The following GABBR2 variants were observed in gnomAD, a reference collection of about 807,000 sequenced individuals.
GABBR2 encodes the protein gamma-aminobutyric acid type B receptor subunit 2, also known as G-protein coupled receptor 51.
GABBR2 carries 23 observed loss-of-function variants against 105.6 expected under a neutral mutation model. That is an observed-to-expected ratio of 0.22 (90% CI 0.16 to 0.31). GABBR2 has a LOEUF of 0.31. Among genes scored for constraint, GABBR2 ranks in the 10% least tolerant of loss-of-function variants. The pLI, the probability that GABBR2 is intolerant of heterozygous loss-of-function variation, is 1.00. For synonymous variants in GABBR2, 478 were observed against 499.7 expected (o/e 0.96, Z 0.58); for missense variants, 734 against 1,245.5 (o/e 0.59, Z 6.18).
chr9:98,489,464 A>G (rs1436384634), intron 4 of GABBR2, among the ~76,000 whole-genome samples: 1 of 152,222 alleles, frequency 6.6e-6, no homozygotes, highest in African/African-American at 2.4e-5. Context: ...TGAATTGCTC[A>G]CAATCTTTCA....
intron 13 of GABBR2, among the ~76,000 whole-genome samples, chr9:98,357,658 G>GACAA (rs754651525): frequency 1.5e-5 from 2 of 136,562 alleles, no homozygotes. Context: ...AAACAAAACA[G>GACAA]ACAAACAAAC....
intron 13 of GABBR2, among the ~76,000 whole-genome samples, chr9:98,354,810 T>C (rs1831457941): frequency 6.6e-6 from 1 of 152,216 alleles, no homozygotes; most frequent in Non-Finnish European, 1.5e-5. Flanking sequence ...TTCTTATCAT[T>C]CATGTGTTCA....
chr9:98,444,879 G>GCGCGCACACACACACACA (rs939018102), intron 7 of GABBR2, among the ~76,000 whole-genome samples: 2 of 150,932 alleles, frequency 1.3e-5, no homozygotes, highest in Admixed American at 1.3e-4. Context: ...GCGCGCGCGC[G>GCGCGCACACACACACACA]CACACACACA....
chr9:98,390,240 G>T (rs1308185859), intron 9 of GABBR2, among the ~76,000 whole-genome samples: 1 of 151,862 alleles, frequency 6.6e-6, no homozygotes, highest in Non-Finnish European at 1.5e-5. Flanking sequence ...TGGGTGTGCT[G>T]GTGCACACCT....
At chr9:98,302,133 A>G (rs1025328570) in intron 16 of GABBR2, among the ~76,000 whole-genome samples, 3 of 152,276 alleles carry the variant, frequency 2.0e-5, no homozygotes, top group African/African-American at 7.2e-5. Flanking sequence ...TGGCAACCCT[A>G]TGTCTCACTT....
intron 3 of GABBR2, among the ~76,000 whole-genome samples, chr9:98,504,183 A>G (rs558724111): frequency 3.9e-5 from 6 of 152,292 alleles, no homozygotes; most frequent in Non-Finnish European, 8.8e-5. Context: ...ACTATGGCAG[A>G]GGAGAAAATG....
At chr9:98,643,789 G>A (rs1383264319) in intron 1 of GABBR2, among the ~76,000 whole-genome samples, 1 of 152,178 alleles carries the variant, frequency 6.6e-6, no homozygotes, top group African/African-American at 2.4e-5. Flanking sequence ...TGTTTACTCT[G>A]TTAGGAAAAA....
At chr9:98,533,256 G>A (rs1008096060) in intron 3 of GABBR2, among the ~76,000 whole-genome samples, 1 of 152,134 alleles carries the variant, frequency 6.6e-6, no homozygotes, top group African/African-American at 2.4e-5. Flanking sequence ...CTCCTGCAGG[G>A]GAGGACAGGG....
chr9:98,427,377 G>A (rs1825716307), intron 7 of GABBR2, among the ~76,000 whole-genome samples: 1 of 152,230 alleles, frequency 6.6e-6, no homozygotes, highest in Admixed American at 6.5e-5. Flanking sequence ...AAGAGTCACA[G>A]TTTCTTATAT....
intron 18 of GABBR2, 72 bp from the exon 19 acceptor site, chr9:98,290,821 C>G: frequency 2.6e-6 from 3 of 1,141,738 alleles, no homozygotes; most frequent in Non-Finnish European, 3.5e-6. Flanking sequence ...CTTGGACTTG[C>G]TTTGGCTAAA....
At chr9:98,403,053 T>C (rs1397369525) in intron 8 of GABBR2, among the ~76,000 whole-genome samples, 11 of 151,980 alleles carry the variant, frequency 7.2e-5, no homozygotes, top group Non-Finnish European at 1.2e-4. Flanking sequence ...CTCAGCACTT[T>C]GGGAGGCCGA....
rs184578111 is a variant in GABBR2 at position 98,681,903 on chromosome 9, A to C, written c.321+26514T>G. Among the ~76,000 whole-genome samples, 321 of 152,350 alleles carry C rather than the reference A, an allele frequency of 2.1e-3. 1 individual carries two copies. The highest frequency in any genetic ancestry group is 3.5e-3 in the Non-Finnish European group (236 of 68,030). On this transcript the variant is annotated intron_variant, in intron 1 of 18. Transcript: ENST00000259455. ...AAAAGCAGAAACCACAAAGATATAA[A>C]TCCAGCTATGTGAAGATGTTTAAAA...
chr9:98,571,136 G>A (rs575530313), intron 2 of GABBR2, among the ~76,000 whole-genome samples: 2 of 152,310 alleles, frequency 1.3e-5, no homozygotes, highest in Admixed American at 1.3e-4. Flanking sequence ...GAGGCCATGG[G>A]GGGCTTTGCA....
chr9:98,303,583 T>G (rs1054606425), intron 15 of GABBR2, among the ~76,000 whole-genome samples, 160 bp from the exon 16 acceptor site: 5 of 152,240 alleles, frequency 3.3e-5, no homozygotes, highest in African/African-American at 1.2e-4. Flanking sequence ...CAGGCCAGAC[T>G]CTGCTACTCG....
At chr9:98,484,407 C>G (rs1253324107) in intron 4 of GABBR2, among the ~76,000 whole-genome samples, 1 of 152,090 alleles carries the variant, frequency 6.6e-6, no homozygotes, top group Non-Finnish European at 1.5e-5. Context: ...ATTAGAGGGC[C>G]CTGGAGACAG....
intron 1 of GABBR2, among the ~76,000 whole-genome samples, chr9:98,584,806 C>T (rs1829045956): frequency 6.6e-6 from 1 of 152,142 alleles, no homozygotes; most frequent in Admixed American, 6.5e-5. Context: ...GTCCAACCTG[C>T]CCCCGTTAGA....
chr9:98,588,264 C>T (rs759546234), intron 1 of GABBR2, among the ~76,000 whole-genome samples: 3 of 152,196 alleles, frequency 2.0e-5, no homozygotes, highest in Non-Finnish European at 2.9e-5. Flanking sequence ...TAAATATACA[C>T]TATATTGTTT....
chr9:98,560,011 T>G (rs542920950), intron 2 of GABBR2, among the ~76,000 whole-genome samples: 3 of 147,482 alleles, frequency 2.0e-5, no homozygotes, highest in African/African-American at 7.5e-5. Flanking sequence ...CACACACACT[T>G]GCTCATATTT....
At position 98,614,401 on chromosome 9, in the gene GABBR2, G is replaced by A. The variant is rs73502499; in HGVS notation, c.322-36329C>T. Among the ~76,000 whole-genome samples the A allele has an allele frequency of 2.6e-3, 396 of 152,200 alleles. 3 individuals carry two copies. The highest frequency in any genetic ancestry group is 8.9e-3 in the African/African-American group (368 of 41,540). ...TAGCTGGGCATTGTGGTGCACGCCT[G>A]TAAATCCCAGCTACTTGGGAAGCTG... is the stretch of plus-strand genomic sequence containing the variant. On this transcript the variant is annotated intron_variant, in intron 1 of 18. Coordinates refer to ENST00000259455, the MANE Select transcript of GABBR2 (RefSeq NM_005458.8).
Sources: allele counts gnomAD v4.1 joint callset (sites outside exome capture counted in the v4.1 genomes callset), GRCh38; gene constraint gnomAD v4.1.1; transcripts MANE v1.5; gene names NCBI Gene and HGNC (gene_info 2026-07-23, HGNC 2026-07-21).